Variants in TTC21B observed in about 807,000 individuals in gnomAD.
TTC21B encodes tetratricopeptide repeat protein 21B.
A neutral mutation model predicts 175.1 loss-of-function variants in TTC21B; 127 were observed. That is an observed-to-expected ratio of 0.73 (90% CI 0.63 to 0.84). TTC21B has a LOEUF of 0.84. Among genes scored for constraint, TTC21B ranks in the 40% least tolerant of loss-of-function variants. TTC21B has a pLI of 0.00. For missense variants in TTC21B, 1,561 were observed against 1,558.3 expected (o/e 1.00, Z -0.03); for synonymous variants, 524 against 524.5 (o/e 1.00, Z 0.01).
At chr2:165,941,265 G>T in intron 5 of TTC21B, 81 bp from the exon 6 acceptor site, 1 of 1,501,558 alleles carries the variant, frequency 6.7e-7, no homozygotes, top group Non-Finnish European at 9.3e-7. Context: ...GGCAGAGTAT[G>T]AGCGTTTAAT....
At chr2:165,934,375 G>T (rs137909136) in intron 6 of TTC21B, among the ~76,000 whole-genome samples, 3 of 151,628 alleles carry the variant, frequency 2.0e-5, no homozygotes, top group African/African-American at 7.3e-5. Context: ...GGTGGTGGGT[G>T]CCAGTAATCC....
chr2:165,906,527 A>G (rs1685740269), intron 19 of TTC21B, among the ~76,000 whole-genome samples: 1 of 152,154 alleles, frequency 6.6e-6, no homozygotes, highest in Admixed American at 6.5e-5. Flanking sequence ...TTAACAATAA[A>G]CTGAGTACTT....
chr2:165,897,666 A>G (rs1204443212), intron 22 of TTC21B, among the ~76,000 whole-genome samples: 2 of 152,306 alleles, frequency 1.3e-5, no homozygotes, highest in East Asian at 3.9e-4. Flanking sequence ...TGGGATATAA[A>G]GCCACGCACC....
chr2:165,910,032 C>T (rs1037258151), intron 18 of TTC21B, among the ~76,000 whole-genome samples: 2 of 151,958 alleles, frequency 1.3e-5, no homozygotes, highest in Non-Finnish European at 2.9e-5. Context: ...CTCTGGAGAG[C>T]GGGAGAGGAC....
intron 12 of TTC21B, among the ~76,000 whole-genome samples, chr2:165,922,566 CA>C (rs71031215): frequency 0.014 from 1,323 of 97,404 alleles, 7 homozygotes; most frequent in Non-Finnish European, 0.016. Context: ...ATTAAAAAGT[CA>C]AAAAAAAAAA....
intron 5 of TTC21B, among the ~76,000 whole-genome samples, chr2:165,942,216 G>A (rs915516019): frequency 6.6e-6 from 1 of 152,092 alleles, no homozygotes; most frequent in African/African-American, 2.4e-5. Context: ...CAAAAGTCAA[G>A]ACATGAATCC....
chr2:165,949,242 C>T, intron 3 of TTC21B, 152 bp downstream of exon 3: 1 of 663,934 alleles, frequency 1.5e-6, no homozygotes, highest in Non-Finnish European at 2.7e-6. Context: ...GATGAATTTA[C>T]ACCCTTGTCA....
intron 27 of TTC21B, among the ~76,000 whole-genome samples, chr2:165,877,804 C>T (rs1044466556): frequency 2.6e-5 from 4 of 152,136 alleles, no homozygotes; most frequent in African/African-American, 9.7e-5. Context: ...GGGCCTATGG[C>T]AGAATCTCAC....
chr2:165,911,452 T>C lies in TTC21B; in HGVS notation c.2336A>G (p.Tyr779Cys), dbSNP rs1243483501. 5.6e-6 allele frequency: 9 copies of C among 1,613,744 alleles called. No individual in the cohort carries two copies. The highest frequency in any genetic ancestry group is 4.5e-5 in the East Asian group (2 of 44,766). The change falls in exon 18 of 29, where the codon TAT (tyrosine) becomes TGT (cysteine). Residue 779 changes from tyrosine (Y) to cysteine (C), a missense_variant. Tyr to Cys is a radical substitution (Grantham distance 194, BLOSUM62 -2). Transcript: ENST00000243344. ...THNYSMAITY[Y>C]EAALKTGQKN... is the part of the protein sequence containing the mutation. ...TTGTCCAGTTTTCAGAGCAGCTTCA[T>C]AGTAAGTGATTGCCTAAACAAAATT...
chr2:165,880,365 T>C (rs1684799962), intron 27 of TTC21B, among the ~76,000 whole-genome samples: 1 of 152,204 alleles, frequency 6.6e-6, no homozygotes. Context: ...CTAACTTACT[T>C]GGCAATGGAA....
intron 18 of TTC21B, among the ~76,000 whole-genome samples, chr2:165,909,011 T>A (rs1421994134): frequency 1.3e-5 from 2 of 152,112 alleles, no homozygotes; most frequent in Non-Finnish European, 2.9e-5. Context: ...AAACTTACAA[T>A]GGGCTTCTCT....
At chr2:165,882,654 A>G (rs557446512) in intron 26 of TTC21B, among the ~76,000 whole-genome samples, 2 of 152,234 alleles carry the variant, frequency 1.3e-5, no homozygotes, top group South Asian at 4.1e-4. Flanking sequence ...AAATTATGTA[A>G]TTCAAGTTTC....
In TTC21B at chr2:165,943,308, T is replaced by C; in HGVS notation, c.463A>G (p.Arg155Gly). 6.2e-7 allele frequency: 1 copy of C among 1,610,916 alleles called. No individual in the cohort carries two copies. The highest frequency in any genetic ancestry group is 8.5e-7 in the Non-Finnish European group (1 of 1,177,242). ...HVLKAWLDIT[R>G]GKEPYTKKAL... ...TTTTTAGTGTAAGGCTCTTTTCCTC[T>C]TGTAATATCAAGCCATGCTTTCAAA... The change falls in exon 5 of 29, where the codon AGA becomes GGA. Residue 155 changes from arginine (R) to glycine (G), a missense_variant. Coordinates refer to ENST00000243344, the MANE Select transcript of TTC21B (RefSeq NM_024753.5).
intron 15 of TTC21B, 21 bp downstream of exon 15, chr2:165,915,180 T>C (rs1451826092): frequency 6.3e-6 from 10 of 1,586,422 alleles, no homozygotes; most frequent in African/African-American, 1.3e-5. Flanking sequence ...CAAAATATAA[T>C]GGGTTAAGAC....
At chr2:165,939,947 C>A (rs1392700717) in intron 6 of TTC21B, among the ~76,000 whole-genome samples, 1 of 152,104 alleles carries the variant, frequency 6.6e-6, no homozygotes, top group African/African-American at 2.4e-5. Context: ...TACCTTAGTC[C>A]ACTCAGCTGT....
intron 18 of TTC21B, among the ~76,000 whole-genome samples, chr2:165,910,682 T>C (rs1423222185): frequency 1.3e-5 from 2 of 152,102 alleles, no homozygotes; most frequent in Admixed American, 6.5e-5. Flanking sequence ...TAGAATAATA[T>C]GAATAAAATT....
In TTC21B at chr2:165,907,550, T is replaced by C. The variant is rs1265978772; in HGVS notation, c.2568+128A>G. On this transcript the variant is annotated intron_variant, in intron 19 of 28. Transcript: ENST00000243344. ...GTATAATTCATAAGCATTCAATAAG[T>C]ATTTTGATTTTGACATATTTTCTGT... 7.3e-6 allele frequency: 5 copies of C among 686,624 alleles called. No homozygotes were observed. In the African/African-American group the frequency reaches 8.9e-5, roughly 12 times the overall value. The allele number at this position is 686,624 out of a possible 1,614,324, so 42.5% of individuals were successfully genotyped here.
At chr2:165,888,168 AAAGTT>A (rs1364353444) in intron 25 of TTC21B, 106 bp downstream of exon 25, 28 of 872,174 alleles carry the variant, frequency 3.2e-5, no homozygotes, top group African/African-American at 2.9e-4. Flanking sequence ...ATTTTTAATA[AAAGTT>A]AAGTAATTAA....
Position 165,901,927 on chromosome 2 carries a change from TA to T in TTC21B, c.2569-18del. On this transcript the variant is annotated intron_variant, in intron 19 of 28. Coordinates refer to ENST00000243344, the MANE Select transcript of TTC21B (RefSeq NM_024753.5). ...TTCTCGAGCCTAGAAAAAATCAGTA[TA>T]AAAGGGAATAAAAAAAAAAAAGGAA... is the stretch of plus-strand genomic sequence containing the variant. The T allele has an allele frequency of 6.3e-7, 1 of 1,593,706 alleles. No individual in the cohort carries two copies. Among genetic ancestry groups the T allele is most frequent in the Non-Finnish European group, 8.6e-7 (1 of 1,166,202 alleles).
Sources: gnomAD v4.1 joint callset for allele counts (sites outside exome capture counted in the v4.1 genomes callset) on GRCh38, gnomAD v4.1.1 for gene constraint, MANE v1.5 for transcripts, NCBI Gene and HGNC (gene_info 2026-07-23, HGNC 2026-07-21) for gene names.